MAGI2: variants seen among roughly 807,000 people sequenced by gnomAD.
MAGI2 encodes membrane associated guanylate kinase, WW and PDZ domain containing 2.
MAGI2 carries 35 observed loss-of-function variants against 133.3 expected under a neutral mutation model. The observed-to-expected ratio is 0.26, with a 90% CI of 0.20 to 0.35. The LOEUF is 0.35. MAGI2 is among the 10% of genes least tolerant of loss of function. The pLI, the probability that MAGI2 is intolerant of heterozygous loss-of-function variation, is 1.00. For synonymous variants in MAGI2, 729 were observed against 710.6 expected (o/e 1.03, Z -0.41); for missense variants, 1,636 against 1,863.4 (o/e 0.88, Z 2.25).
chr7:78,596,484 G>A (rs1473673877), intron 3 of MAGI2, among the ~76,000 whole-genome samples: 1 of 152,206 alleles, frequency 6.6e-6, no homozygotes, highest in East Asian at 1.9e-4. Flanking sequence ...TGTGGGCTAT[G>A]ATGGGAACAG....
chr7:78,383,441 C>T (rs145853783), intron 6 of MAGI2, among the ~76,000 whole-genome samples: 1 of 151,904 alleles, frequency 6.6e-6, no homozygotes, highest in African/African-American at 2.4e-5. Flanking sequence ...TATCATTTGC[C>T]CACTTTTTAA....
At chr7:78,903,239 G>T (rs1338858465) in intron 2 of MAGI2, among the ~76,000 whole-genome samples, 107 of 116,610 alleles carry the variant, frequency 9.2e-4, no homozygotes, top group Admixed American at 2.6e-3. Context: ...TTTCGCCCAG[G>T]CTGGACTGCA....
chr7:78,963,307 T>C (rs1182131652), intron 2 of MAGI2, among the ~76,000 whole-genome samples: 2 of 152,092 alleles, frequency 1.3e-5, no homozygotes, highest in Non-Finnish European at 2.9e-5. Flanking sequence ...AACAACTTAA[T>C]ATAGGGAAAG....
intron 1 of MAGI2, among the ~76,000 whole-genome samples, chr7:79,337,337 C>A (rs1434438243): frequency 1.3e-5 from 2 of 152,140 alleles, no homozygotes; most frequent in African/African-American, 4.8e-5. Context: ...TATAGAAGTG[C>A]AATAACAAAT....
intron 13 of MAGI2, among the ~76,000 whole-genome samples, chr7:78,184,995 C>T (rs957922158): frequency 6.6e-6 from 1 of 152,142 alleles, no homozygotes; most frequent in Non-Finnish European, 1.5e-5. Flanking sequence ...TCTCTTGAGA[C>T]CTTCTAGCTT....
chr7:78,096,440 T>C (rs1251914730), intron 20 of MAGI2, among the ~76,000 whole-genome samples: 2 of 152,212 alleles, frequency 1.3e-5, no homozygotes, highest in African/African-American at 2.4e-5. Flanking sequence ...AAGTTTTCAA[T>C]AAATGTTAGT....
intron 6 of MAGI2, among the ~76,000 whole-genome samples, chr7:78,479,277 A>T (rs1254884635): frequency 6.6e-6 from 1 of 151,952 alleles, no homozygotes; most frequent in African/African-American, 2.4e-5. Flanking sequence ...AAAACACCAA[A>T]TAATGTTTGC....
At chr7:79,211,466 GTT>G (rs540204865) in intron 1 of MAGI2, among the ~76,000 whole-genome samples, 3 of 143,036 alleles carry the variant, frequency 2.1e-5, no homozygotes, top group African/African-American at 5.1e-5. Context: ...TTTCTTTTTT[GTT>G]TTTTTTTTTG....
At chr7:79,291,274 T>C (rs1313401476) in intron 1 of MAGI2, among the ~76,000 whole-genome samples, 1 of 152,166 alleles carries the variant, frequency 6.6e-6, no homozygotes, top group Non-Finnish European at 1.5e-5. Flanking sequence ...TGAATAATAT[T>C]CCATTGTATG....
chr7:78,224,329 G>A (rs1270703565), intron 10 of MAGI2, among the ~76,000 whole-genome samples: 2 of 152,134 alleles, frequency 1.3e-5, no homozygotes, highest in East Asian at 1.9e-4. Flanking sequence ...CTCTCCACTC[G>A]TTAGTCTTCG....
intron 6 of MAGI2, among the ~76,000 whole-genome samples, chr7:78,426,599 A>C (rs1799303258): frequency 6.6e-6 from 1 of 151,206 alleles, no homozygotes; most frequent in Non-Finnish European, 1.5e-5. Context: ...TAAAACTTAA[A>C]GTATAATAAT....
intron 1 of MAGI2, among the ~76,000 whole-genome samples, chr7:79,198,619 G>A (rs1379335117): frequency 1.3e-5 from 2 of 152,070 alleles, no homozygotes; most frequent in Non-Finnish European, 2.9e-5. Flanking sequence ...GCCGGGCGCA[G>A]TGGCTCATGC....
intron 1 of MAGI2, among the ~76,000 whole-genome samples, chr7:79,295,644 C>A (rs1836871098): frequency 6.6e-6 from 1 of 151,836 alleles, no homozygotes; most frequent in Non-Finnish European, 1.5e-5. Context: ...ATCACTACTT[C>A]ATTTACCTCT....
chr7:78,875,438 A>G (rs1259972793), intron 2 of MAGI2, among the ~76,000 whole-genome samples: 1 of 152,200 alleles, frequency 6.6e-6, no homozygotes, highest in Non-Finnish European at 1.5e-5. Context: ...GCTGAAAATA[A>G]ACTACACAGG....
intron 1 of MAGI2, among the ~76,000 whole-genome samples, chr7:79,378,914 A>ATGTGTG (rs1252457871): frequency 1.2e-5 from 1 of 84,278 alleles, no homozygotes; most frequent in African/African-American, 4.3e-5. Context: ...TTATATATAT[A>ATGTGTG]TATGTGTGTG....
chr7:78,743,810 C>T (rs1042590340), intron 2 of MAGI2, among the ~76,000 whole-genome samples: 7 of 152,138 alleles, frequency 4.6e-5, no homozygotes, highest in Non-Finnish European at 1.0e-4. Flanking sequence ...TTTTAATCTC[C>T]ATACTGAACA....
intron 2 of MAGI2, among the ~76,000 whole-genome samples, chr7:78,871,684 A>G (rs1795038289): frequency 6.6e-6 from 1 of 152,132 alleles, no homozygotes; most frequent in Non-Finnish European, 1.5e-5. Context: ...GGGATATCAT[A>G]TACCTAACTT....
At chr7:78,840,914 C>T (rs1792089649) in intron 2 of MAGI2, among the ~76,000 whole-genome samples, 5 of 151,700 alleles carry the variant, frequency 3.3e-5, no homozygotes, top group Admixed American at 3.3e-4. Context: ...AATTAACTGA[C>T]GTAGATACAT....
At chr7:78,917,473 T>C (rs1305602406) in intron 2 of MAGI2, among the ~76,000 whole-genome samples, 1 of 152,092 alleles carries the variant, frequency 6.6e-6, no homozygotes, top group Non-Finnish European at 1.5e-5. Context: ...ATAGATGTGG[T>C]GGAGAAGAAA....
Sources: gnomAD v4.1 joint callset for allele counts (sites outside exome capture counted in the v4.1 genomes callset) on GRCh38, gnomAD v4.1.1 for gene constraint, MANE v1.5 for transcripts, NCBI Gene and HGNC (gene_info 2026-07-23, HGNC 2026-07-21) for gene names.